TMEM132D: variants seen among roughly 807,000 people sequenced by gnomAD.
The protein encoded by TMEM132D is mature OL transmembrane protein.
TMEM132D carries 21 observed loss-of-function variants against 62.3 expected under a neutral mutation model. That is an observed-to-expected ratio of 0.34 (90% confidence interval 0.24 to 0.49). The LOEUF (loss-of-function observed/expected upper bound fraction) is 0.49. Ranked by LOEUF, TMEM132D falls within the 20% of genes least tolerant of loss-of-function variation. The pLI, the probability that TMEM132D is intolerant of heterozygous loss-of-function variation, is 0.99. For missense variants in TMEM132D, 1,346 were observed against 1,402.8 expected, an observed-to-expected ratio of 0.96 and a Z score of 0.65; for synonymous variants, 621 against 575.6, an observed-to-expected ratio of 1.08 and a Z score of -1.13.
chr12:129,385,534 C>A (rs972203288), intron 3 of TMEM132D, among the ~76,000 whole-genome samples: 1 of 152,274 alleles, frequency 6.6e-6, no homozygotes, highest in South Asian at 2.1e-4. Flanking sequence ...TGGCCACCAA[C>A]CAGCCTAGTA....
chr12:129,711,673 G>A (rs1040437035), intron 1 of TMEM132D, among the ~76,000 whole-genome samples: 1 of 147,740 alleles, frequency 6.8e-6, no homozygotes. Flanking sequence ...GTTGGAGTGA[G>A]CCGAGATCGC....
chr12:129,365,067 A>G (rs1870362874), intron 3 of TMEM132D, among the ~76,000 whole-genome samples: 1 of 152,176 alleles, frequency 6.6e-6, no homozygotes, highest in African/African-American at 2.4e-5. Context: ...GCTAAAGAAA[A>G]ATCACCTTTT....
At chr12:129,360,081 G>A (rs980440171) in intron 3 of TMEM132D, among the ~76,000 whole-genome samples, 2 of 152,112 alleles carry the variant, frequency 1.3e-5, no homozygotes, top group African/African-American at 2.4e-5. Flanking sequence ...GTCACACAGA[G>A]TAAGGGACAA....
At chr12:129,838,422 G>A (rs1873074145) in intron 1 of TMEM132D, among the ~76,000 whole-genome samples, 1 of 152,214 alleles carries the variant, frequency 6.6e-6, no homozygotes, top group African/African-American at 2.4e-5. Context: ...AACTTTGTCT[G>A]TCAGAGCGGC....
At chr12:129,395,748 T>C (rs1361008179) in intron 3 of TMEM132D, among the ~76,000 whole-genome samples, 1 of 149,180 alleles carries the variant, frequency 6.7e-6, no homozygotes, top group South Asian at 2.1e-4. Context: ...TATCTATATA[T>C]CTATAGATAA....
intron 4 of TMEM132D, among the ~76,000 whole-genome samples, chr12:129,282,535 G>A (rs1881185906): frequency 6.6e-6 from 1 of 152,112 alleles, no homozygotes; most frequent in African/African-American, 2.4e-5. Flanking sequence ...CAGGTGGAAC[G>A]ATTTTCCTGG....
intron 1 of TMEM132D, among the ~76,000 whole-genome samples, chr12:129,817,592 G>GGT (rs112314739): frequency 0.031 from 4,609 of 146,430 alleles, 246 homozygotes; most frequent in African/African-American, 0.11. Context: ...AAGATAAGAT[G>GGT]GTGTGTGTGT....
At chr12:129,340,574 T>G (rs939894726) in intron 3 of TMEM132D, among the ~76,000 whole-genome samples, 1 of 152,134 alleles carries the variant, frequency 6.6e-6, no homozygotes, top group Non-Finnish European at 1.5e-5. Context: ...TTTTTGTCCT[T>G]GCAATAGTTC....
chr12:129,421,763 A>G (rs1872332108), intron 3 of TMEM132D, among the ~76,000 whole-genome samples: 1 of 152,240 alleles, frequency 6.6e-6, no homozygotes, highest in African/African-American at 2.4e-5. Context: ...TATAAATGAC[A>G]TAGCAAACAT....
At chr12:129,734,086 CA>C (rs1869341540) in intron 1 of TMEM132D, among the ~76,000 whole-genome samples, 1 of 152,116 alleles carries the variant, frequency 6.6e-6, no homozygotes, top group Admixed American at 6.5e-5. Context: ...CTCGTTTGCT[CA>C]AGACTGAAAA....
At chr12:129,256,701 C>T (rs931760721) in intron 4 of TMEM132D, among the ~76,000 whole-genome samples, 48 of 152,204 alleles carry the variant, frequency 3.2e-4, no homozygotes, top group African/African-American at 1.0e-3. Context: ...GGATTACAGG[C>T]GTGCACCATC....
intron 3 of TMEM132D, among the ~76,000 whole-genome samples, chr12:129,455,226 T>C (rs1324320325): frequency 6.6e-6 from 1 of 152,190 alleles, no homozygotes; most frequent in African/African-American, 2.4e-5. Context: ...ACAAGAACAA[T>C]GCCTTAAAGT....
intron 3 of TMEM132D, among the ~76,000 whole-genome samples, chr12:129,450,526 A>G (rs539358417): frequency 6.6e-6 from 1 of 152,150 alleles, no homozygotes; most frequent in Admixed American, 6.5e-5. Context: ...AGGCTACATG[A>G]AATTTCAAGT....
At chr12:129,394,512 G>A (rs886177907) in intron 3 of TMEM132D, among the ~76,000 whole-genome samples, 2 of 152,198 alleles carry the variant, frequency 1.3e-5, no homozygotes, top group Non-Finnish European at 2.9e-5. Flanking sequence ...TCTTAGAAAC[G>A]ATTGTGAGGT....
intron 3 of TMEM132D, among the ~76,000 whole-genome samples, chr12:129,439,220 A>G (rs1403589067): frequency 1.3e-5 from 2 of 152,226 alleles, no homozygotes; most frequent in Non-Finnish European, 2.9e-5. Context: ...CATATCTGGT[A>G]ACAGACAAAT....
intron 5 of TMEM132D, among the ~76,000 whole-genome samples, chr12:129,111,910 G>A (rs1306478367): frequency 6.6e-6 from 1 of 152,136 alleles, no homozygotes; most frequent in Non-Finnish European, 1.5e-5. Context: ...ACCATCCCTG[G>A]TGGCACGGAG....
intron 1 of TMEM132D, among the ~76,000 whole-genome samples, chr12:129,850,620 T>C (rs1873508862): frequency 6.6e-6 from 1 of 152,208 alleles, no homozygotes; most frequent in Non-Finnish European, 1.5e-5. Context: ...GGGTATTTTA[T>C]ACATATGTCT....
chr12:129,476,146 C>A (rs934095212), intron 3 of TMEM132D, among the ~76,000 whole-genome samples: 1 of 152,070 alleles, frequency 6.6e-6, no homozygotes, highest in Non-Finnish European at 1.5e-5. Context: ...GTTGGCAACA[C>A]GCAGCAAATG....
intron 1 of TMEM132D, among the ~76,000 whole-genome samples, chr12:129,777,082 G>T (rs147192358): frequency 2.0e-5 from 3 of 152,186 alleles, no homozygotes; most frequent in Non-Finnish European, 4.4e-5. Context: ...TAGCAGCTGG[G>T]TCTATAAATT....
Sources: gnomAD v4.1 joint callset for allele counts (sites outside exome capture counted in the v4.1 genomes callset) on GRCh38, gnomAD v4.1.1 for gene constraint, MANE v1.5 for transcripts, NCBI Gene and HGNC (gene_info 2026-07-23, HGNC 2026-07-21) for gene names.